The following RABGAP1 variants were observed in gnomAD, a reference collection of about 807,000 sequenced individuals.
The protein encoded by RABGAP1 is RAB GTPase activating protein 1.
RABGAP1 carries 23 observed loss-of-function variants against 137.6 expected under a neutral mutation model. The observed-to-expected ratio is 0.17, with a 90% CI of 0.12 to 0.24. The LOEUF (loss-of-function observed/expected upper bound fraction) is 0.24. RABGAP1 is among the 10% of genes least tolerant of loss of function. The pLI is 1.00. For missense variants in RABGAP1, 906 were observed against 1,275.8 expected (o/e 0.71, Z 4.42); for synonymous variants, 451 against 450.7 (o/e 1.00, Z -0.01).
At chr9:123,101,127 T>C (rs1477599171) in intron 24 of RABGAP1, among the ~76,000 whole-genome samples, 5 of 152,244 alleles carry the variant, frequency 3.3e-5, no homozygotes, top group African/African-American at 1.2e-4. Context: ...TCAACCAGCA[T>C]GCATCCATTT....
chr9:123,090,436 T>G (rs985045408), intron 21 of RABGAP1, 51 bp downstream of exon 21: 14 of 1,411,428 alleles, frequency 9.9e-6, no homozygotes, highest in Non-Finnish European at 1.4e-5. Flanking sequence ...ACTTGACTTT[T>G]CCCCTCAAGA....
chr9:122,966,039 T>C (rs1835128566), intron 2 of RABGAP1, among the ~76,000 whole-genome samples: 1 of 152,176 alleles, frequency 6.6e-6, no homozygotes, highest in Non-Finnish European at 1.5e-5. Context: ...ACCTCAGTAA[T>C]GCCATTTACT....
chr9:122,963,815 C>T (rs889034249), intron 2 of RABGAP1, among the ~76,000 whole-genome samples: 6 of 151,956 alleles, frequency 3.9e-5, no homozygotes, highest in Non-Finnish European at 8.8e-5. Context: ...ATCAGTGGAA[C>T]CAAAAATTGA....
intron 1 of RABGAP1, among the ~76,000 whole-genome samples, chr9:122,950,846 A>T (rs943061364): frequency 2.0e-5 from 3 of 152,224 alleles, no homozygotes; most frequent in Non-Finnish European, 4.4e-5. Flanking sequence ...AGTGAAAAGA[A>T]GGACGATGAT....
intron 12 of RABGAP1, among the ~76,000 whole-genome samples, chr9:123,016,368 G>C (rs653441): frequency 6.6e-6 from 1 of 151,880 alleles, no homozygotes; most frequent in Non-Finnish European, 1.5e-5. Flanking sequence ...TTAACTGGGC[G>C]TGGTGACGCA....
intron 21 of RABGAP1, among the ~76,000 whole-genome samples, chr9:123,091,683 G>T (rs2035036528): frequency 6.6e-6 from 1 of 151,822 alleles, no homozygotes; most frequent in Non-Finnish European, 1.5e-5. Context: ...TTGTCTGCTT[G>T]TCATCTACAA....
chr9:122,935,014 T>C, the RABGAP1 span, among the ~76,000 whole-genome samples: 1 of 152,218 alleles, frequency 6.6e-6, no homozygotes, highest in Non-Finnish European at 1.5e-5. Flanking sequence ...TAAGGTGGGA[T>C]TTATATCTGT....
intron 24 of RABGAP1, 99 bp from the exon 25 acceptor site, chr9:123,101,467 G>C: frequency 8.4e-7 from 1 of 1,184,480 alleles, no homozygotes; most frequent in Non-Finnish European, 1.2e-6. Flanking sequence ...GTGCTCAACA[G>C]AGAAGCCGTC....
intron 13 of RABGAP1, among the ~76,000 whole-genome samples, chr9:123,032,349 T>C (rs529556486): frequency 6.6e-6 from 1 of 152,214 alleles, no homozygotes; most frequent in Non-Finnish European, 1.5e-5. Context: ...TGAACCTGAT[T>C]ATTGTTCCTT....
chr9:123,100,175 T>G (rs2035298949), intron 24 of RABGAP1, among the ~76,000 whole-genome samples: 2 of 152,176 alleles, frequency 1.3e-5, no homozygotes, highest in Admixed American at 1.3e-4. Context: ...TATAACATGG[T>G]GCTTTCTTTC....
chr9:122,999,730 C>T (rs1837226158), intron 10 of RABGAP1, among the ~76,000 whole-genome samples: 1 of 150,534 alleles, frequency 6.6e-6, no homozygotes, highest in African/African-American at 2.4e-5. Context: ...TTTTTTTTAA[C>T]CAGATTTGGG....
intron 2 of RABGAP1, among the ~76,000 whole-genome samples, chr9:122,966,419 AG>A (rs2131664308): frequency 6.6e-6 from 1 of 152,242 alleles, no homozygotes; most frequent in South Asian, 2.1e-4. Context: ...GGTACTTGGG[AG>A]GCTGAGGCAG....
At chr9:122,988,684 A>G (rs998441396) in intron 4 of RABGAP1, among the ~76,000 whole-genome samples, 1 of 152,066 alleles carries the variant, frequency 6.6e-6, no homozygotes, top group African/African-American at 2.4e-5. Context: ...GTGGTGGCTT[A>G]TGCCTGTAAT....
In RABGAP1 at chr9:123,035,360, G is replaced by C. The variant is rs755876037; in HGVS notation, c.1794+14901G>C. 3 of 1,613,978 alleles carry C rather than the reference G, an allele frequency of 1.9e-6. No individual in the cohort carries two copies. In the African/African-American group the frequency reaches 4.0e-5, roughly 22 times the overall value. On this transcript the variant is annotated intron_variant, in intron 13 of 25. Coordinates refer to ENST00000373647, the MANE Select transcript of RABGAP1 (RefSeq NM_012197.4). ...ATCACTAGTGTATTTTACATCCTCT[G>C]GTTGCCATATATCATCTACTTCTTG...
chr9:123,085,139 C>T (rs954069460), intron 19 of RABGAP1, among the ~76,000 whole-genome samples: 5 of 152,168 alleles, frequency 3.3e-5, no homozygotes, highest in Non-Finnish European at 7.3e-5. Flanking sequence ...AAGTGAGTGA[C>T]CAAAGGAGAG....
intron 13 of RABGAP1, among the ~76,000 whole-genome samples, chr9:123,057,216 C>T (rs1323849486): frequency 3.1e-4 from 46 of 149,542 alleles, no homozygotes; most frequent in African/African-American, 7.6e-4. Context: ...ACTTCCCAGA[C>T]GGGGTGGCTG....
Position 123,090,295 on chromosome 9 carries a change from A to G in RABGAP1, c.2538A>G (p.Gln846=). 1 of 1,612,886 alleles carries G rather than the reference A, an allele frequency of 6.2e-7. No homozygotes were observed. The highest frequency in any genetic ancestry group is 8.5e-7 in the Non-Finnish European group (1 of 1,179,590). The change falls in exon 21 of 26, where the codon CAA becomes CAG. Residue 846 remains glutamine, a synonymous_variant. Transcript: ENST00000373647. ...ERFERENRRL[Q]EANMRLEQEN... ...TTCAGCGGGAGAATAGGCGTCTACA[A>G]GAAGCTAACATGAGGTTGGAACAGG...
At chr9:123,096,893 C>CT (rs1159063708) in intron 21 of RABGAP1, among the ~76,000 whole-genome samples, 1 of 152,128 alleles carries the variant, frequency 6.6e-6, no homozygotes, top group Non-Finnish European at 1.5e-5. Context: ...AAGGACCCAG[C>CT]TCTCTGGAAC....
intron 13 of RABGAP1, among the ~76,000 whole-genome samples, chr9:123,050,546 T>G (rs541646644): frequency 3.2e-4 from 48 of 152,338 alleles, no homozygotes; most frequent in African/African-American, 1.2e-3. Flanking sequence ...AGTAAAAATG[T>G]GTTTGTTTTA....
Sources: allele counts gnomAD v4.1 joint callset (sites outside exome capture counted in the v4.1 genomes callset), GRCh38; gene constraint gnomAD v4.1.1; transcripts MANE v1.5; gene names NCBI Gene and HGNC (gene_info 2026-07-23, HGNC 2026-07-21).